Variants in RAD51B observed in about 807,000 individuals in gnomAD.
The protein encoded by RAD51B is DNA repair protein RAD51 homolog 2.
A neutral mutation model predicts 42.2 loss-of-function variants in RAD51B; 38 were observed. The ratio of observed to expected loss-of-function variants is 0.90; its 90% CI spans 0.70 to 1.18. The LOEUF (loss-of-function observed/expected upper bound fraction) is 1.18. Among genes scored for constraint, RAD51B ranks in the 50% most tolerant of loss-of-function variants. The probability of loss-of-function intolerance (pLI) is 0.00; values close to 1 mark genes in which losing one functional copy is unlikely to be tolerated. For missense variants in RAD51B, 373 were observed against 400.7 expected, an observed-to-expected ratio of 0.93 and a Z score of 0.59; for synonymous variants, 154 against 145.2, an observed-to-expected ratio of 1.06 and a Z score of -0.43.
rs1486874901 is a variant in RAD51B at position 68,565,493 on chromosome 14, A to G, written c.1037-28992A>G. Among the ~76,000 whole-genome samples the G allele has an allele frequency of 2.0e-5, 3 of 152,192 alleles. No homozygotes were observed. The highest frequency in any genetic ancestry group is 4.4e-5 in the Non-Finnish European group (3 of 68,030). On this transcript the variant is annotated intron_variant, in intron 10 of 10. Transcript: ENST00000487270. This position sits in a 1 kb window ranked among gnomAD's most constrained non-coding sequence, Gnocchi z 4.1. ...CTTCAGAGTGAGACTCTGTCTCAAAAAAAAAAGAAGTTCTTTCTTACATTG... is the reference window on the plus strand; with the variant it reads ...CTTCAGAGTGAGACTCTGTCTCAAAGAAAAAAGAAGTTCTTTCTTACATTG...
chr14:68,049,640 T>C (rs778807577), intron 7 of RAD51B, among the ~76,000 whole-genome samples: 3 of 152,210 alleles, frequency 2.0e-5, no homozygotes, highest in Non-Finnish European at 4.4e-5. Flanking sequence ...ATTAAGACTT[T>C]GAGATTTTGT....
chr14:68,031,276 A>C (rs1566591582), intron 7 of RAD51B, among the ~76,000 whole-genome samples: 1 of 152,162 alleles, frequency 6.6e-6, no homozygotes. Context: ...AAACCATCAG[A>C]TCTTATTCAC....
chr14:68,113,590 T>A (rs1348822435), intron 7 of RAD51B: 1 of 150,040 alleles, frequency 6.7e-6, no homozygotes, highest in East Asian at 1.9e-4. Context: ...ATTCATATGA[T>A]CTGTGCAACA....
At chr14:68,602,181 C>A (rs1219188432) in intron 10 of RAD51B, among the ~76,000 whole-genome samples, 1 of 152,070 alleles carries the variant, frequency 6.6e-6, no homozygotes, top group Non-Finnish European at 1.5e-5. Flanking sequence ...CAGCTCTTCC[C>A]ACCATGTGAC....
chr14:68,261,208 G>T (rs114779834), intron 7 of RAD51B, among the ~76,000 whole-genome samples: 2 of 152,186 alleles, frequency 1.3e-5, no homozygotes, highest in Non-Finnish European at 2.9e-5. Flanking sequence ...TTATTGGCCC[G>T]CAGTTTTTAC....
chr14:68,251,776 T>C (rs1056111841), intron 7 of RAD51B, among the ~76,000 whole-genome samples: 4 of 152,224 alleles, frequency 2.6e-5, no homozygotes, highest in Middle Eastern at 3.2e-3. Flanking sequence ...TACCATTTGT[T>C]TGATGGTGAG....
intron 8 of RAD51B, among the ~76,000 whole-genome samples, chr14:68,350,918 A>G (rs1328102665): frequency 1.3e-5 from 2 of 152,208 alleles, no homozygotes; most frequent in African/African-American, 4.8e-5. Context: ...CACAAATAGG[A>G]TGGCACCAGG....
At chr14:68,239,933 G>C (rs1318103941) in intron 7 of RAD51B, among the ~76,000 whole-genome samples, 1 of 152,156 alleles carries the variant, frequency 6.6e-6, no homozygotes, top group Non-Finnish European at 1.5e-5. Context: ...TAGTCACATT[G>C]TTTTGGGCCA....
rs1405719178 is a variant in RAD51B, at chr14:68,666,977, C to G, written c.*11+16121C>G. On this transcript the variant is annotated intron_variant, in intron 11 of 11. Transcript: ENST00000488612. Reference sequence around the variant, plus strand: ...AGCAACTCAGCAACCCTCCAGCTCTCTCTTCCCTGATGACAGCAATCCTGA... The same window carrying G: ...AGCAACTCAGCAACCCTCCAGCTCTGTCTTCCCTGATGACAGCAATCCTGA... Among the ~76,000 whole-genome samples, 8 of 152,214 alleles carry G rather than the reference C, an allele frequency of 5.3e-5. No homozygotes were observed. In the South Asian group the frequency reaches 6.2e-4, roughly 12 times the overall value.
intron 7 of RAD51B, among the ~76,000 whole-genome samples, chr14:68,050,879 C>T (rs2076382108): frequency 6.6e-6 from 1 of 151,554 alleles, no homozygotes; most frequent in Non-Finnish European, 1.5e-5. Flanking sequence ...TTATTTGGAT[C>T]TTGCCTTTTT....
chr14:67,820,103 A>T (rs2040575603), intron 1 of RAD51B, among the ~76,000 whole-genome samples: 1 of 151,988 alleles, frequency 6.6e-6, no homozygotes. Flanking sequence ...TTTTTAGGGG[A>T]TTCTGGGTGA....
At chr14:67,865,793 C>T (rs1003129134) in intron 5 of RAD51B, among the ~76,000 whole-genome samples, 2 of 152,134 alleles carry the variant, frequency 1.3e-5, no homozygotes, top group Admixed American at 6.5e-5. Context: ...CTGCCTTGGC[C>T]TCCCAAAGTG....
intron 10 of RAD51B, among the ~76,000 whole-genome samples, chr14:68,648,133 GTATA>G (rs371883719): frequency 1.3e-4 from 12 of 90,544 alleles, no homozygotes; most frequent in South Asian, 3.5e-4. Flanking sequence ...ATACACACAC[GTATA>G]TATATATATA....
chr14:67,958,290 CA>C (rs758810231), intron 7 of RAD51B, among the ~76,000 whole-genome samples: 7 of 152,192 alleles, frequency 4.6e-5, no homozygotes, highest in Non-Finnish European at 1.0e-4. Flanking sequence ...TTCCTGGCTT[CA>C]GATTGATTGA....
At chr14:68,489,661 C>A (rs1883915755) in intron 10 of RAD51B, among the ~76,000 whole-genome samples, 2 of 152,206 alleles carry the variant, frequency 1.3e-5, no homozygotes, top group Non-Finnish European at 2.9e-5. Context: ...TTCTATGTTC[C>A]TATTCCCACA....
chr14:68,040,860 A>C (rs944829024), intron 7 of RAD51B, among the ~76,000 whole-genome samples: 3 of 152,244 alleles, frequency 2.0e-5, no homozygotes, highest in Non-Finnish European at 4.4e-5. Context: ...AAGATCCTCC[A>C]GGTGATTCTC....
At chr14:67,927,742 T>C (rs1348672043) in intron 7 of RAD51B, among the ~76,000 whole-genome samples, 1 of 146,292 alleles carries the variant, frequency 6.8e-6, no homozygotes, top group Non-Finnish European at 1.5e-5. Context: ...TTATATAATA[T>C]ATTCATTGTG....
At chr14:68,551,157 C>T (rs911101389) in intron 10 of RAD51B, among the ~76,000 whole-genome samples, 3 of 152,136 alleles carry the variant, frequency 2.0e-5, no homozygotes, top group African/African-American at 7.2e-5. Flanking sequence ...AGGCCTCAGG[C>T]GTGCTCTCCC....
intron 10 of RAD51B, among the ~76,000 whole-genome samples, chr14:68,616,950 C>T (rs1480168769): frequency 6.6e-6 from 1 of 152,054 alleles, no homozygotes; most frequent in Non-Finnish European, 1.5e-5. Flanking sequence ...ATTCTTTCCT[C>T]ATTTTATGTA....
Sources: allele counts gnomAD v4.1 joint callset (sites outside exome capture counted in the v4.1 genomes callset), GRCh38; gene constraint gnomAD v4.1.1; non-coding constraint Gnocchi (gnomAD v3.1); transcripts MANE v1.5; gene names NCBI Gene and HGNC (gene_info 2026-07-23, HGNC 2026-07-21).